The following RNMT variants were observed in gnomAD, a reference collection of about 807,000 sequenced individuals.
The protein encoded by RNMT is RNA guanine-7 methyltransferase, also known as mRNA cap guanine-N(7) methyltransferase.
RNMT carries 27 observed loss-of-function variants against 56.0 expected under a neutral mutation model. The ratio of observed to expected loss-of-function variants is 0.48; its 90% CI spans 0.36 to 0.67. RNMT has a LOEUF of 0.67. Among genes scored for constraint, RNMT ranks in the 30% least tolerant of loss-of-function variants. The pLI is 0.00. For synonymous variants in RNMT, 184 were observed against 176.2 expected (o/e 1.04, Z -0.35); for missense variants, 519 against 552.1 (o/e 0.94, Z 0.60).
At chr18:13,744,775 A>C (rs1257231156) in intron 8 of RNMT, among the ~76,000 whole-genome samples, 1 of 151,940 alleles carries the variant, frequency 6.6e-6, no homozygotes, top group East Asian at 1.9e-4. Flanking sequence ...GAGCCTTCCC[A>C]CCTAATTTTC....
rs2044614753 is a variant in RNMT at position 13,761,171 on chromosome 18, G to A, written c.*1192G>A. On this transcript the variant is annotated 3_prime_UTR_variant, in exon 12 of 12. Coordinates refer to ENST00000383314, the MANE Select transcript of RNMT (RefSeq NM_003799.3). ...AGTGTGCATCTATTAACTGTTCATGGTGTTAGAGTTGCAAACTTTTTAGCA... is the reference window on the plus strand; with the variant it reads ...AGTGTGCATCTATTAACTGTTCATGATGTTAGAGTTGCAAACTTTTTAGCA... The A allele has an allele frequency of 8.1e-6, 8 of 985,412 alleles. No homozygotes were observed. In the Admixed American group the frequency reaches 1.8e-4, roughly 23 times the overall value. 61.0% of individuals were successfully genotyped at this position (985,412 alleles called of 1,614,324 possible). A position where few individuals can be genotyped will look rare whatever the true frequency, so the allele number is the denominator to read the frequency against.
chr18:13,743,525 G>A (rs1203904650), intron 8 of RNMT, among the ~76,000 whole-genome samples: 1 of 151,912 alleles, frequency 6.6e-6, no homozygotes, highest in Non-Finnish European at 1.5e-5. Context: ...AGGAGTCCTG[G>A]CAAACTGTAG....
At chr18:13,748,269 A>G (rs922633043) in intron 9 of RNMT, among the ~76,000 whole-genome samples, 2 of 152,238 alleles carry the variant, frequency 1.3e-5, no homozygotes, top group Admixed American at 6.5e-5. Flanking sequence ...ACTTGGGGAT[A>G]TGACCTGTTA....
At chr18:13,757,386 T>C (rs956910319) in intron 11 of RNMT, among the ~76,000 whole-genome samples, 2 of 152,212 alleles carry the variant, frequency 1.3e-5, no homozygotes, top group Admixed American at 6.5e-5. Flanking sequence ...GTAGAACTTA[T>C]TTCTAAATTG....
chr18:13,728,890 A>G (rs889351879), intron 1 of RNMT, among the ~76,000 whole-genome samples: 1 of 152,102 alleles, frequency 6.6e-6, no homozygotes, highest in Non-Finnish European at 1.5e-5. Flanking sequence ...ATCCCGTCAG[A>G]TGAATGGTTT....
intron 7 of RNMT, 134 bp from the exon 8 acceptor site, chr18:13,742,353 AG>A (rs2044265096): frequency 2.9e-6 from 2 of 688,174 alleles, no homozygotes; most frequent in African/African-American, 1.9e-5. Flanking sequence ...AAAAAAAAAA[AG>A]GTAGCCCAGA....
intron 5 of RNMT, 77 bp from the exon 6 acceptor site, chr18:13,740,090 A>T (rs1433380662): frequency 3.5e-6 from 3 of 857,388 alleles, no homozygotes; most frequent in Non-Finnish European, 5.9e-6. Context: ...TTTATGCCAG[A>T]GTTTGTCAGT....
chr18:13,761,856 C>CCCCCCCCCCCCCCCCT lies in RNMT; in HGVS notation c.*1877_*1878insCCCCCCCCCCCCCCCT. 1 of 1,109,886 alleles carries CCCCCCCCCCCCCCCCT rather than the reference C, an allele frequency of 9.0e-7. No homozygotes were observed. The highest frequency in any genetic ancestry group is 1.1e-6 in the Non-Finnish European group (1 of 904,262). 68.8% of individuals were successfully genotyped at this position (1,109,886 alleles called of 1,614,324 possible). A position where few individuals can be genotyped will look rare whatever the true frequency, so the allele number is the denominator to read the frequency against. On this transcript the variant is annotated 3_prime_UTR_variant, in exon 12 of 12. Transcript: ENST00000383314. ...CCACCACCCTACACCCCCCTCCCCCCGGCCCCAAGCCCCTGTGTCTCCTTG... is the reference window on the plus strand; with the variant it reads ...CCACCACCCTACACCCCCCTCCCCCCCCCCCCCCCCCCCCCTGGCCCCAAGCCCCTGTGTCTCCTTG...
intron 11 of RNMT, among the ~76,000 whole-genome samples, chr18:13,756,739 G>A (rs2044550529): frequency 6.6e-6 from 1 of 152,226 alleles, no homozygotes; most frequent in Non-Finnish European, 1.5e-5. Context: ...TGGGTTGGAA[G>A]AGCAAGAAGC....
intron 3 of RNMT, among the ~76,000 whole-genome samples, chr18:13,733,159 G>A (rs987176999): frequency 1.6e-4 from 24 of 152,030 alleles, no homozygotes; most frequent in African/African-American, 5.8e-4. Context: ...CGTAAAATAG[G>A]TCAAGGATTT....
At chr18:13,754,086 A>T (rs763018104) in intron 10 of RNMT, 28 bp from the exon 11 acceptor site, 70 of 1,370,198 alleles carry the variant, frequency 5.1e-5, no homozygotes, top group Non-Finnish European at 6.9e-5. Context: ...TGAATCTAAA[A>T]TTTTCTTTTT....
chr18:13,736,058 T>C (rs190018538), intron 4 of RNMT, among the ~76,000 whole-genome samples: 2 of 152,364 alleles, frequency 1.3e-5, no homozygotes, highest in Admixed American at 6.5e-5. Flanking sequence ...TCCTCTCTCG[T>C]TAGTCTTACT....
chr18:13,730,207 C>T (rs2044042824), intron 1 of RNMT, among the ~76,000 whole-genome samples: 1 of 152,164 alleles, frequency 6.6e-6, no homozygotes, highest in Non-Finnish European at 1.5e-5. Context: ...ATAAATGAAC[C>T]ACCATAATTC....
chr18:13,728,487 C>T (rs998046900), intron 1 of RNMT, among the ~76,000 whole-genome samples: 6 of 151,868 alleles, frequency 4.0e-5, no homozygotes, highest in African/African-American at 1.5e-4. Context: ...AGGCGCACAT[C>T]ACCATGCCCG....
Position 13,740,158 on chromosome 18 carries a change from T to A in RNMT, c.680-9T>A, listed in dbSNP as rs752660804. On this transcript the variant is annotated splice_polypyrimidine_tract_variant and intron_variant, in intron 5 of 11. Transcript: ENST00000383314. ...GTTGATACTTACTAATACCCTTCCA[T>A]CCTTCCAGATATTGCCGATGTTTCT... 3.2e-6 allele frequency: 5 copies of A among 1,548,658 alleles called. No homozygotes were observed. In the African/African-American group the frequency reaches 6.8e-5, roughly 21 times the overall value.
Position 13,764,366 on chromosome 18 carries a change from T to C in RNMT, c.*4387T>C, listed in dbSNP as rs1396944201. 6.6e-6 allele frequency: 1 copy of C among 152,218 alleles called. No homozygotes were observed. Among genetic ancestry groups the C allele is most frequent in the African/African-American group, 2.4e-5 (1 of 41,464 alleles). The allele number at this position is 152,218 out of a possible 1,614,324, so 9.4% of individuals were successfully genotyped here. ...TCCAAGGGAAACCACTATCCTGAGT[T>C]CTAAGCGCATAGATTAGTTCTGTCT... On this transcript the variant is annotated 3_prime_UTR_variant, in exon 12 of 12. Transcript: ENST00000383314.
intron 8 of RNMT, among the ~76,000 whole-genome samples, chr18:13,743,335 AAT>A (rs1210300925): frequency 0.013 from 1,327 of 100,528 alleles, 90 homozygotes; most frequent in Middle Eastern, 0.057. Flanking sequence ...AAAAAAAATA[AAT>A]AAATAAATAA....
intron 11 of RNMT, among the ~76,000 whole-genome samples, chr18:13,757,618 T>C (rs1452339899): frequency 1.3e-5 from 2 of 152,204 alleles, no homozygotes; most frequent in Admixed American, 1.3e-4. Context: ...TCTGGTTCTC[T>C]TGTTGTTGCC....
chr18:13,754,362 G>A (rs941658427), intron 11 of RNMT, among the ~76,000 whole-genome samples: 2 of 152,022 alleles, frequency 1.3e-5, no homozygotes, highest in African/African-American at 4.8e-5. Context: ...AAAAAAATTA[G>A]CCAGTCATGG....
Sources: allele counts gnomAD v4.1 joint callset (sites outside exome capture counted in the v4.1 genomes callset), GRCh38; gene constraint gnomAD v4.1.1; transcripts MANE v1.5; gene names NCBI Gene and HGNC (gene_info 2026-07-23, HGNC 2026-07-21).